KIF6: variants seen among roughly 807,000 people sequenced by gnomAD.
KIF6 encodes the protein kinesin-like protein KIF6.
In KIF6, 106 loss-of-function variants were observed where a neutral mutation model predicts 112.7. The ratio of observed to expected loss-of-function variants is 0.94; its 90% confidence interval spans 0.80 to 1.11. KIF6 has a LOEUF of 1.11. KIF6 is among the 50% of genes least tolerant of loss of function. KIF6 has a pLI of 0.00. For synonymous variants in KIF6, 339 were observed against 339.9 expected (o/e 1.00, Z 0.03); for missense variants, 929 against 964.0 (o/e 0.96, Z 0.48).
intron 12 of KIF6, among the ~76,000 whole-genome samples, chr6:39,541,731 G>T (rs1400252923): frequency 1.3e-5 from 2 of 152,134 alleles, no homozygotes; most frequent in Non-Finnish European, 2.9e-5. Context: ...AAGGGTGACT[G>T]GGCAGCTGCT....
At chr6:39,589,253 C>T (rs1781802887) in intron 7 of KIF6, among the ~76,000 whole-genome samples, 1 of 152,188 alleles carries the variant, frequency 6.6e-6, no homozygotes, top group Non-Finnish European at 1.5e-5. Flanking sequence ...TGTTTTCTCA[C>T]AAGGGCCTTC....
intron 16 of KIF6, among the ~76,000 whole-genome samples, chr6:39,382,156 TATTTTTAAATTTCC>T (rs1270358739): frequency 6.6e-6 from 1 of 152,226 alleles, no homozygotes; most frequent in East Asian, 1.9e-4. Context: ...ATTGTTTGTT[TATTTTTAAATTTCC>T]ATTTTTAAAT....
intron 6 of KIF6, among the ~76,000 whole-genome samples, chr6:39,598,520 T>G (rs1416450524): frequency 6.6e-6 from 1 of 151,930 alleles, no homozygotes; most frequent in East Asian, 1.9e-4. Flanking sequence ...CACACAGCCA[T>G]CAATAAACTA....
At position 39,718,186 on chromosome 6, in the gene KIF6, C is replaced by T. The variant is rs548569269; in HGVS notation, c.176+2516G>A. ...CGGAGGTTGCAGTGAGCCGAGATCG[C>T]GCCATTGCACTCCAGCCTGGGCGAC... On this transcript the variant is annotated intron_variant, in intron 2 of 22. Coordinates refer to ENST00000287152, the MANE Select transcript of KIF6 (RefSeq NM_145027.6). 1.3e-3 allele frequency among the ~76,000 whole-genome samples: 179 copies of T among 138,234 alleles called. 1 individual carries two copies. Among genetic ancestry groups the T allele is most frequent in the South Asian group, 3.6e-3 (15 of 4,194 alleles). 90.7% of individuals were successfully genotyped at this position (138,234 alleles called of 152,430 possible). A position where few individuals can be genotyped will look rare whatever the true frequency, so the allele number is the denominator to read the frequency against.
At chr6:39,411,543 G>C (rs551670159) in intron 15 of KIF6, among the ~76,000 whole-genome samples, 142 of 152,334 alleles carry the variant, frequency 9.3e-4, no homozygotes, top group Non-Finnish European at 1.5e-3. Context: ...GGTTTAGTAA[G>C]AAGAAGCCTC....
chr6:39,394,795 A>G (rs114918679), intron 15 of KIF6, among the ~76,000 whole-genome samples: 2,327 of 152,318 alleles, frequency 0.015, 40 homozygotes, highest in Admixed American at 0.033. Context: ...TATGCTAAAC[A>G]TCACAGTTGA....
At chr6:39,691,027 A>G (rs533767192) in intron 3 of KIF6, 3 of 152,386 alleles carry the variant, frequency 2.0e-5, no homozygotes, top group Admixed American at 6.5e-5. Flanking sequence ...GGTATGACCC[A>G]TGCAACATTT....
chr6:39,537,389 T>G (rs1194496465), intron 13 of KIF6, among the ~76,000 whole-genome samples: 1 of 152,076 alleles, frequency 6.6e-6, no homozygotes, highest in African/African-American at 2.4e-5. Context: ...AAAATCAATG[T>G]ACAAAAATCA....
chr6:39,706,296 CT>C (rs1391575135), intron 3 of KIF6, among the ~76,000 whole-genome samples: 7 of 152,158 alleles, frequency 4.6e-5, no homozygotes, highest in African/African-American at 1.7e-4. Flanking sequence ...TTTAGGCTCA[CT>C]TTTTACCTAC....
chr6:39,583,382 G>A (rs1319176058), intron 9 of KIF6: 5 of 471,196 alleles, frequency 1.1e-5, no homozygotes, highest in Non-Finnish European at 2.2e-5. Context: ...GGAACACTGT[G>A]TGATGCTGAT....
intron 13 of KIF6, among the ~76,000 whole-genome samples, chr6:39,535,783 C>A (rs1295571009): frequency 1.3e-5 from 2 of 152,220 alleles, no homozygotes; most frequent in Non-Finnish European, 2.9e-5. Context: ...CCACACCACA[C>A]CTATTCCAAA....
intron 10 of KIF6, among the ~76,000 whole-genome samples, chr6:39,573,311 T>C (rs182872245): frequency 1.4e-4 from 22 of 152,300 alleles, no homozygotes; most frequent in South Asian, 4.2e-4. Flanking sequence ...TACAGACTAA[T>C]GGTGTTAAAT....
chr6:39,589,466 A>G (rs1781812956), intron 7 of KIF6, among the ~76,000 whole-genome samples: 1 of 152,184 alleles, frequency 6.6e-6, no homozygotes, highest in African/African-American at 2.4e-5. Context: ...AACAGTGCTC[A>G]GCACTTGCTA....
intron 15 of KIF6, among the ~76,000 whole-genome samples, chr6:39,390,414 C>T (rs768244540): frequency 7.9e-5 from 12 of 151,976 alleles, no homozygotes; most frequent in Non-Finnish European, 1.3e-4. Context: ...TTACTACAGG[C>T]GAATTGAGTA....
chr6:39,411,025 A>G (rs1769437060), intron 15 of KIF6, among the ~76,000 whole-genome samples: 1 of 139,836 alleles, frequency 7.2e-6, no homozygotes, highest in Non-Finnish European at 1.6e-5. Context: ...AAGGCCTAGA[A>G]AACACAAATT....
intron 3 of KIF6, among the ~76,000 whole-genome samples, chr6:39,704,261 C>T (rs370019317): frequency 9.1e-4 from 139 of 152,254 alleles, no homozygotes; most frequent in African/African-American, 2.8e-3. Flanking sequence ...TCACGTACAG[C>T]TCATTGGATT....
At chr6:39,715,436 C>T (rs184107868) in intron 2 of KIF6, among the ~76,000 whole-genome samples, 28 of 151,814 alleles carry the variant, frequency 1.8e-4, no homozygotes, top group African/African-American at 4.8e-5. Context: ...TCTTGCAATG[C>T]TTCTCTGACT....
intron 22 of KIF6, among the ~76,000 whole-genome samples, chr6:39,338,525 GAAGAC>G (rs1763150384): frequency 6.6e-6 from 1 of 152,202 alleles, no homozygotes; most frequent in Non-Finnish European, 1.5e-5. Context: ...CGGGAAGTAA[GAAGAC>G]AAGTACACCG....
intron 3 of KIF6, among the ~76,000 whole-genome samples, chr6:39,695,165 A>G (rs1302317845): frequency 6.6e-6 from 1 of 152,204 alleles, no homozygotes; most frequent in Non-Finnish European, 1.5e-5. Flanking sequence ...TACAAAAATT[A>G]ACTCAGTAGA....
Sources: gnomAD v4.1 joint callset for allele counts (sites outside exome capture counted in the v4.1 genomes callset) on GRCh38, gnomAD v4.1.1 for gene constraint, MANE v1.5 for transcripts, NCBI Gene and HGNC (gene_info 2026-07-23, HGNC 2026-07-21) for gene names.